TMEM117: variants seen among roughly 807,000 people sequenced by gnomAD.
TMEM117 encodes the protein transmembrane protein 117.
A neutral mutation model predicts 52.4 loss-of-function variants in TMEM117; 27 were observed. That is an observed-to-expected ratio of 0.51 (90% CI 0.38 to 0.71). The LOEUF (loss-of-function observed/expected upper bound fraction) is 0.71. Among genes scored for constraint, TMEM117 ranks in the 30% least tolerant of loss-of-function variants. TMEM117 has a pLI of 0.00. For missense variants in TMEM117, 556 were observed against 630.5 expected, an observed-to-expected ratio of 0.88 and a Z score of 1.26; for synonymous variants, 215 against 206.3, an observed-to-expected ratio of 1.04 and a Z score of -0.36.
chr12:44,311,729 A>G (rs577276224), intron 6 of TMEM117, among the ~76,000 whole-genome samples: 73 of 129,530 alleles, frequency 5.6e-4, no homozygotes, highest in Non-Finnish European at 9.3e-4. Context: ...ATATATATGT[A>G]TATATATATG....
At chr12:44,138,961 A>G (rs529371280) in intron 3 of TMEM117, among the ~76,000 whole-genome samples, 1 of 152,302 alleles carries the variant, frequency 6.6e-6, no homozygotes, top group South Asian at 2.1e-4. Flanking sequence ...TTGTAGTGAC[A>G]AATTTTCACT....
rs571822669 is a variant in TMEM117 at position 44,141,114 on chromosome 12, C to G, written c.411-2411C>G. 2.0e-5 allele frequency among the ~76,000 whole-genome samples: 3 copies of G among 152,216 alleles called. No homozygotes were observed. The East Asian group carries it at 5.8e-4, about 29-fold the overall frequency. ...AATTTTAATTTTTTGATTATTTAAA[C>G]AGTGTTAACACTTTTGATTAACATA... On this transcript the variant is annotated intron_variant, in intron 3 of 7. Transcript: ENST00000266534.
At chr12:43,831,323 G>A (rs1942979890), upstream of TMEM117, among the ~76,000 whole-genome samples, 1 of 152,156 alleles carries the variant, frequency 6.6e-6, no homozygotes, top group South Asian at 2.1e-4. Context: ...ACTTGGTAGA[G>A]GTTACTGATG....
intron 2 of TMEM117, among the ~76,000 whole-genome samples, chr12:43,925,515 G>A (rs1215568101): frequency 2.0e-5 from 3 of 152,040 alleles, no homozygotes; most frequent in Admixed American, 1.3e-4. Context: ...CTTGCCGGAG[G>A]CTGGTGGAGG....
At chr12:43,970,761 A>G (rs1945570732) in intron 3 of TMEM117, among the ~76,000 whole-genome samples, 1 of 152,050 alleles carries the variant, frequency 6.6e-6, no homozygotes, top group African/African-American at 2.4e-5. Context: ...ACTGCTTTTC[A>G]GTTTTCTTTG....
At chr12:44,214,136 T>G (rs867310656) in intron 5 of TMEM117, among the ~76,000 whole-genome samples, 1 of 115,876 alleles carries the variant, frequency 8.6e-6, no homozygotes, top group Non-Finnish European at 1.7e-5. Flanking sequence ...ATTTTTTTTT[T>G]AATTTTTTTT....
chr12:44,144,953 C>T (rs908136762), intron 4 of TMEM117, among the ~76,000 whole-genome samples: 10 of 151,946 alleles, frequency 6.6e-5, no homozygotes, highest in South Asian at 4.2e-4. Context: ...GTCAGGAGAT[C>T]GAGACCATCC....
At chr12:43,884,527 G>T (rs1943957034) in intron 2 of TMEM117, among the ~76,000 whole-genome samples, 1 of 152,130 alleles carries the variant, frequency 6.6e-6, no homozygotes, top group Admixed American at 6.5e-5. Context: ...TGATGAGGGG[G>T]TTTTGATCCC....
At chr12:44,291,381 T>G (rs1189932437) in intron 5 of TMEM117, among the ~76,000 whole-genome samples, 1 of 147,358 alleles carries the variant, frequency 6.8e-6, no homozygotes, top group African/African-American at 2.5e-5. Context: ...ACAGTTTTTT[T>G]TTTTTTTTTT....
At chr12:43,895,623 A>G (rs987689570) in intron 2 of TMEM117, among the ~76,000 whole-genome samples, 3 of 152,206 alleles carry the variant, frequency 2.0e-5, no homozygotes, top group Non-Finnish European at 4.4e-5. Context: ...TATCAAAACA[A>G]CTGTCTGAAG....
At chr12:44,124,584 C>T (rs907552082) in intron 3 of TMEM117, among the ~76,000 whole-genome samples, 2 of 152,032 alleles carry the variant, frequency 1.3e-5, no homozygotes, top group African/African-American at 4.8e-5. Flanking sequence ...TCCTTCAATA[C>T]CTAGTTTATT....
chr12:44,076,593 A>G (rs1947386338), intron 3 of TMEM117, among the ~76,000 whole-genome samples: 1 of 152,224 alleles, frequency 6.6e-6, no homozygotes, highest in African/African-American at 2.4e-5. Context: ...ATGATTCTAC[A>G]TTTATACCAT....
In TMEM117 at chr12:44,376,700, G is replaced by C. The variant is rs146913829; in HGVS notation, c.874G>C (p.Glu292Gln). The stretch of plus-strand genomic sequence containing the variant: ...TCCTTTCTTCCAGAAAATCTTCAAG[G>C]AGGAATATCGTATTCACATAACAGG... ...KIPFFQKIFK[E>Q]EYRIHITGKW... The change falls in exon 7 of 8, where the codon GAG (glutamate) becomes CAG (glutamine). Residue 292 changes from glutamate to glutamine, a missense_variant. By Grantham distance (29) the Glu-to-Gln change is conservative. Transcript: ENST00000266534. The C allele has an allele frequency of 1.1e-4, 172 of 1,610,166 alleles. No homozygotes were observed. The highest frequency in any genetic ancestry group is 1.4e-4 in the Non-Finnish European group (167 of 1,178,790).
chr12:44,295,206 A>C (rs904242497), intron 5 of TMEM117, among the ~76,000 whole-genome samples: 1 of 151,366 alleles, frequency 6.6e-6, no homozygotes, highest in African/African-American at 2.4e-5. Flanking sequence ...TATTGTATTT[A>C]TTTATTTATT....
chr12:43,814,482 G>A, the TMEM117 span, among the ~76,000 whole-genome samples: 1 of 152,070 alleles, frequency 6.6e-6, no homozygotes, highest in African/African-American at 2.4e-5. Context: ...CCTCTGTTCT[G>A]GGCTGCATCT....
chr12:44,186,138 C>T (rs1949275301), intron 4 of TMEM117, among the ~76,000 whole-genome samples: 1 of 152,142 alleles, frequency 6.6e-6, no homozygotes, highest in Admixed American at 6.6e-5. Flanking sequence ...CTGCCAAAAC[C>T]TCCACTTTTG....
intron 3 of TMEM117, among the ~76,000 whole-genome samples, chr12:44,024,296 G>A (rs928648249): frequency 6.6e-6 from 1 of 152,098 alleles, no homozygotes; most frequent in Non-Finnish European, 1.5e-5. Flanking sequence ...GCCTTTGATG[G>A]ATAATGAAGT....
intron 6 of TMEM117, among the ~76,000 whole-genome samples, chr12:44,372,429 G>A (rs553911122): frequency 6.6e-6 from 1 of 152,156 alleles, no homozygotes; most frequent in African/African-American, 2.4e-5. Flanking sequence ...ATGATGCCAG[G>A]AGAATCTCAG....
chr12:44,008,938 A>G (rs1946246049), intron 3 of TMEM117: 2 of 381,866 alleles, frequency 5.2e-6, no homozygotes, highest in East Asian at 7.7e-5. Context: ...TAAGATCTGA[A>G]CTCCATCTAA....
Sources: allele counts gnomAD v4.1 joint callset (sites outside exome capture counted in the v4.1 genomes callset), GRCh38; gene constraint gnomAD v4.1.1; transcripts MANE v1.5; gene names NCBI Gene and HGNC (gene_info 2026-07-23, HGNC 2026-07-21).